PNN: variants seen among roughly 807,000 people sequenced by gnomAD.
The protein encoded by PNN is pinin, desmosome associated protein, also known as pinin.
In PNN, 38 loss-of-function variants were observed where a neutral mutation model predicts 76.6. The observed-to-expected ratio is 0.50, with a 90% CI of 0.38 to 0.65. PNN has a LOEUF of 0.65. PNN is among the 30% of genes least tolerant of loss of function. PNN has a pLI of 0.00. For synonymous variants in PNN, 366 were observed against 283.7 expected (o/e 1.29, Z -2.91); for missense variants, 873 against 874.1 (o/e 1.00, Z 0.02).
chr14:39,177,809 T>C (rs750363513), intron 5 of PNN, 32 bp from the exon 6 acceptor site: 1 of 1,536,682 alleles, frequency 6.5e-7, no homozygotes, highest in East Asian at 2.2e-5. Context: ...ATGGATCCTG[T>C]TGACAGTAAA....
intron 6 of PNN, 154 bp from the exon 7 acceptor site, chr14:39,178,937 T>A (rs910800082): frequency 3.0e-6 from 2 of 658,498 alleles, no homozygotes; most frequent in African/African-American, 3.7e-5. Flanking sequence ...GATGGTGGTG[T>A]TGGCTTCTGA....
At chr14:39,176,668 C>G (rs2053227907) in intron 3 of PNN, 73 bp downstream of exon 3, 2 of 878,488 alleles carry the variant, frequency 2.3e-6, no homozygotes, top group Admixed American at 2.8e-5. Flanking sequence ...TGTTTATTAA[C>G]AATAATTCTG....
At chr14:39,175,641 T>G (rs1436844774) in intron 1 of PNN, 1 of 528,698 alleles carries the variant, frequency 1.9e-6, no homozygotes, top group Non-Finnish European at 3.3e-6. Flanking sequence ...TCTTGGCCTG[T>G]GAGAAGACCC....
rs750497295 is a variant in PNN, at chr14:39,176,069, C to A, written c.114-9C>A. On this transcript the variant is annotated splice_polypyrimidine_tract_variant and intron_variant, in intron 1 of 8. Coordinates refer to ENST00000216832, the MANE Select transcript of PNN (RefSeq NM_002687.4). ...TATGATTTTGCACTGATTTGTAAAT[C>A]TTTTACAGGCCCATCCAAGCCAGAT... The A allele has an allele frequency of 2.6e-6, 4 of 1,564,680 alleles. No homozygotes were observed. Among genetic ancestry groups the A allele is most frequent in the South Asian group, 2.2e-5 (2 of 89,876 alleles).
At position 39,181,354 on chromosome 14, in the gene PNN, C is replaced by T. The variant is rs1196388164; in HGVS notation, c.1645C>T (p.His549Tyr). ...EVPVEPVLTV[H>Y]PESKSKTKTR... ...ACCAGTAGAGCCAGTCTTGACAGTA[C>T]ATCCAGAGAGCAAGAGCAAAACCAA... The change falls in exon 9 of 9, where the codon CAT becomes TAT. Residue 549 changes from histidine (H) to tyrosine (Y), a missense_variant. This residue lies in a region of PNN where 712 missense variants were observed against 693.1 expected (regional missense o/e 1.03). Transcript: ENST00000216832. 3 of 1,614,174 alleles carry T rather than the reference C, an allele frequency of 1.9e-6. No homozygotes were observed. Among genetic ancestry groups the T allele is most frequent in the African/African-American group, 1.3e-5 (1 of 75,052 alleles).
intron 6 of PNN, among the ~76,000 whole-genome samples, chr14:39,178,723 T>TG (rs1164006557): frequency 0.041 from 4,034 of 99,154 alleles, 216 homozygotes; most frequent in African/African-American, 0.18. Context: ...CTTTACATAG[T>TG]GAAAAAAAAA....
Position 39,177,403 on chromosome 14 carries a change from C to T in PNN, c.255-9C>T. ...CCTGTCTCAAAAAAATTAATATTTT[C>T]TATGACAGGCTGGGCGGGGAGCGTC... On this transcript the variant is annotated splice_polypyrimidine_tract_variant and intron_variant, in intron 3 of 8. Transcript: ENST00000216832. 1 of 1,611,682 alleles carries T rather than the reference C, an allele frequency of 6.2e-7. No homozygotes were observed. Among genetic ancestry groups the T allele is most frequent in the Non-Finnish European group, 8.5e-7 (1 of 1,178,300 alleles).
chr14:39,180,762 A>G lies in PNN; in HGVS notation c.1053A>G (p.Lys351=). 1.2e-6 allele frequency: 2 copies of G among 1,602,936 alleles called. No homozygotes were observed. The highest frequency in any genetic ancestry group is 1.7e-6 in the Non-Finnish European group (2 of 1,173,924). ...EIAIVHSDAE[K]EQEEEEQKQE... ...CGATTGTTCATAGTGATGCAGAGAA[A>G]GAACAGGAGGAGGAAGAACAAAAAC... Residue 351 remains lysine, a synonymous_variant, in exon 9 of 9, where the codon AAA becomes AAG. Transcript: ENST00000216832.
rs2053209837 is a variant in PNN, at chr14:39,175,269, G to C, written c.-11G>C. The C allele has an allele frequency of 6.4e-7, 1 of 1,554,598 alleles. No individual in the cohort carries two copies. The highest frequency in any genetic ancestry group is 8.8e-7 in the Non-Finnish European group (1 of 1,131,142). ...CCTGTAAAGCAGTCTCAAGCCTGCC[G>C]CAGGGAGAAGATGGCGGTCGCCGTG... On this transcript the variant is annotated 5_prime_UTR_variant, in exon 1 of 9. Coordinates refer to ENST00000216832, the MANE Select transcript of PNN (RefSeq NM_002687.4).
intron 8 of PNN, 116 bp downstream of exon 8, chr14:39,179,578 T>A: frequency 3.9e-6 from 1 of 258,118 alleles, no homozygotes. Flanking sequence ...CTGTGTTTGC[T>A]TTTTTTTTTT....
chr14:39,181,516 A>G lies in PNN; in HGVS notation c.1807A>G (p.Ser603Gly). 1 of 1,600,192 alleles carries G rather than the reference A, an allele frequency of 6.2e-7. No individual in the cohort carries two copies. The highest frequency in any genetic ancestry group is 8.5e-7 in the Non-Finnish European group (1 of 1,173,378). ...GSSSSSGSSSSRSSSSSSSST... is the reference protein window; with the variant it reads ...GSSSSSGSSSGRSSSSSSSST... The stretch of plus-strand genomic sequence containing the variant: ...TAGTTCCAGCAGTGGAAGTAGTAGC[A>G]GTCGCAGTAGTTCCAGTAGCAGCTC... Residue 603 changes from serine to glycine, a missense_variant, in exon 9 of 9, where the codon AGT becomes GGT. Ser to Gly is a moderately conservative substitution (Grantham distance 56, BLOSUM62 0). Transcript: ENST00000216832.
chr14:39,176,178 C>T lies in PNN; in HGVS notation c.185+29C>T, dbSNP rs150089177. The T allele has an allele frequency of 8.1e-5, 96 of 1,182,012 alleles. No individual in the cohort carries two copies. The African/African-American group carries it at 1.4e-3, about 17-fold the overall frequency. 73.2% of individuals were successfully genotyped at this position (1,182,012 alleles called of 1,614,324 possible). On this transcript the variant is annotated intron_variant, in intron 2 of 8. Coordinates refer to ENST00000216832, the MANE Select transcript of PNN (RefSeq NM_002687.4). ...AGATTTCCTTTGGACTTTACTCATG[C>T]TGAAACTACTGGTACTTTACTAAAT... is the stretch of plus-strand genomic sequence containing the variant.
In PNN at chr14:39,182,666, C is replaced by G. The variant is rs1159087464; in HGVS notation, c.*803C>G. ...CTAGGGGAGGGAGGTAGAAAAGTAT[C>G]TTTCAAACTTGGTTTTTGAGTTTGT... On this transcript the variant is annotated 3_prime_UTR_variant, in exon 9 of 9. Coordinates refer to ENST00000216832, the MANE Select transcript of PNN (RefSeq NM_002687.4). 1 of 152,590 alleles carries G rather than the reference C, an allele frequency of 6.6e-6. No homozygotes were observed. Among genetic ancestry groups the G allele is most frequent in the African/African-American group, 2.4e-5 (1 of 41,422 alleles). 9.5% of individuals were successfully genotyped at this position (152,590 alleles called of 1,614,324 possible).
Position 39,179,114 on chromosome 14 carries a change from A to G in PNN, c.522A>G (p.Glu174=). ...TERQKRRQEI[E]QKLEVQAEEE... ...AGCAAAAGCGGCGCCAGGAAATTGA[A>G]CAAAAACTTGAAGTTCAGGCAGAAG... is the stretch of plus-strand genomic sequence containing the variant. Residue 174 remains glutamate (E), a synonymous_variant, in exon 7 of 9, where the codon GAA becomes GAG. Coordinates refer to ENST00000216832, the MANE Select transcript of PNN (RefSeq NM_002687.4). 1 of 1,611,544 alleles carries G rather than the reference A, an allele frequency of 6.2e-7. No homozygotes were observed. The highest frequency in any genetic ancestry group is 8.5e-7 in the Non-Finnish European group (1 of 1,179,536).
At position 39,181,164 on chromosome 14, in the gene PNN, G is replaced by C. The variant is rs752764231; in HGVS notation, c.1455G>C (p.Gln485His). ...AGCCTCAGTCTCAGCCCCAGCTTCA[G>C]CTTCAATCCCAGTCCCAACCAGTAC... is the stretch of plus-strand genomic sequence containing the variant. ...QPQPQSQPQLQLQSQSQPVLQ... is the reference protein window; with the variant it reads ...QPQPQSQPQLHLQSQSQPVLQ... Residue 485 changes from glutamine to histidine, a missense_variant, in exon 9 of 9, where the codon CAG (glutamine) becomes CAC (histidine). Physicochemically the swap from Gln to His is conservative, Grantham distance 24. Coordinates refer to ENST00000216832, the MANE Select transcript of PNN (RefSeq NM_002687.4). The C allele has an allele frequency of 1.2e-6, 2 of 1,606,744 alleles. No homozygotes were observed. Among genetic ancestry groups the C allele is most frequent in the African/African-American group, 1.3e-5 (1 of 74,768 alleles).
At position 39,178,548 on chromosome 14, in the gene PNN, T is replaced by G. The variant is rs558374946; in HGVS notation, c.499-543T>G. Among the ~76,000 whole-genome samples, 112 of 151,934 alleles carry G rather than the reference T, an allele frequency of 7.4e-4. 1 individual carries two copies. Among genetic ancestry groups the G allele is most frequent in the Admixed American group, 8.5e-4 (13 of 15,252 alleles). On this transcript the variant is annotated intron_variant, in intron 6 of 8. Coordinates refer to ENST00000216832, the MANE Select transcript of PNN (RefSeq NM_002687.4). ...CTCCATCTCAAAAAAAGAAAAAATGTGAAGCATATGCAGATACCTTTTTTT... is the reference window on the plus strand; with the variant it reads ...CTCCATCTCAAAAAAAGAAAAAATGGGAAGCATATGCAGATACCTTTTTTT...
rs770854076 is a variant in PNN at position 39,180,713 on chromosome 14, GAGAGGA to G, written c.1012_1017del (p.Glu338_Glu339del). The G allele has an allele frequency of 6.3e-7, 1 of 1,599,850 alleles. No individual in the cohort carries two copies. Among genetic ancestry groups the G allele is most frequent in the South Asian group, 1.1e-5 (1 of 89,690 alleles). On this transcript the variant is annotated inframe_deletion, in exon 9 of 9. Transcript: ENST00000216832. ...AATGATGTAGAAATAGAGGAAGCAG[GAGAGGA>G]AGAGGAAAAGGAAATAGCGATTGTT...
rs148161693 is a variant in PNN, at chr14:39,176,541, A to T, written c.200A>T (p.Asp67Val). ...TTAAATTTCAGGCGTGGATTCTCAG[A>T]TAGTGGAGGAGGACCCCCAGCCAAA... ...GSLLLRRGFS[D>V]SGGGPPAKQR... Residue 67 changes from aspartate to valine, a missense_variant, in exon 3 of 9, where the codon GAT (aspartate) becomes GTT (valine). Physicochemically the swap from Asp to Val is radical, Grantham distance 152. Around this residue, in one of 3 missense-constraint regions of PNN, gnomAD observed 156 missense variants for 161.7 expected, o/e 0.96. Transcript: ENST00000216832. 32 of 1,607,562 alleles carry T rather than the reference A, an allele frequency of 2.0e-5. No individual in the cohort carries two copies. In the African/African-American group the frequency reaches 4.3e-4, roughly 22 times the overall value.
rs1299191583 is a variant in PNN, at chr14:39,182,039, G to A, written c.*176G>A. On this transcript the variant is annotated 3_prime_UTR_variant, in exon 9 of 9. Transcript: ENST00000216832. ...ATTCTTGTACTTTTTGCATAATTTT[G>A]TAAGAGTTATTTATCAAAATTATGT... The A allele has an allele frequency of 3.7e-6, 2 of 542,486 alleles. No individual in the cohort carries two copies. The highest frequency in any genetic ancestry group is 3.7e-5 in the South Asian group (1 of 26,910). 33.6% of individuals were successfully genotyped at this position (542,486 alleles called of 1,614,324 possible). A position where few individuals can be genotyped will look rare whatever the true frequency, so the allele number is the denominator to read the frequency against.
Sources: gnomAD v4.1 joint callset for allele counts (sites outside exome capture counted in the v4.1 genomes callset) on GRCh38, gnomAD v4.1.1 for gene constraint, gnomAD v4.1.1 regional missense constraint, MANE v1.5 for transcripts, NCBI Gene and HGNC (gene_info 2026-07-23, HGNC 2026-07-21) for gene names.